Variants in ACBD6 observed in about 807,000 individuals in gnomAD.
ACBD6 encodes the protein acyl-CoA-binding domain-containing protein 6.
Under a neutral mutation model 37.2 loss-of-function variants are expected in ACBD6, and 28 were observed. The ratio of observed to expected loss-of-function variants is 0.75; its 90% CI spans 0.56 to 1.03. The LOEUF is 1.03. Ranked by LOEUF, ACBD6 falls within the 50% of genes least tolerant of loss-of-function variation. The pLI is 0.00. For synonymous variants in ACBD6, 113 were observed against 126.8 expected (o/e 0.89, Z 0.73); for missense variants, 340 against 337.4 (o/e 1.01, Z -0.06).
chr1:180,318,119 G>A (rs909291070), intron 6 of ACBD6, among the ~76,000 whole-genome samples: 1 of 133,244 alleles, frequency 7.5e-6, no homozygotes, highest in East Asian at 2.2e-4. Flanking sequence ...CTGAGATAGC[G>A]CCACTGCACT....
chr1:180,325,795 T>C (rs1651239986), intron 6 of ACBD6, among the ~76,000 whole-genome samples: 1 of 152,204 alleles, frequency 6.6e-6, no homozygotes, highest in Admixed American at 6.5e-5. Flanking sequence ...AGTGACATGG[T>C]AGTCTTGGAT....
At chr1:180,304,131 C>A (rs1242051244) in intron 7 of ACBD6, among the ~76,000 whole-genome samples, 2 of 150,794 alleles carry the variant, frequency 1.3e-5, no homozygotes, top group African/African-American at 4.8e-5. Context: ...CTATCTATGA[C>A]AAACTCACAG....
At chr1:180,414,733 TC>T (rs1195078061) in intron 4 of ACBD6, among the ~76,000 whole-genome samples, 1 of 152,198 alleles carries the variant, frequency 6.6e-6, no homozygotes, top group Non-Finnish European at 1.5e-5. Flanking sequence ...ACAACTTGCT[TC>T]AAAGCTAGAG....
chr1:180,468,297 C>A (rs1557883208), intron 3 of ACBD6, among the ~76,000 whole-genome samples: 1 of 152,180 alleles, frequency 6.6e-6, no homozygotes, highest in East Asian at 1.9e-4. Flanking sequence ...CCTTTGTCCC[C>A]CATGTCCTAA....
intron 6 of ACBD6, among the ~76,000 whole-genome samples, chr1:180,343,516 C>T (rs1157573981): frequency 1.3e-5 from 2 of 152,096 alleles, no homozygotes; most frequent in Non-Finnish European, 2.9e-5. Flanking sequence ...TAAACTATCA[C>T]CCAATACTTT....
intron 6 of ACBD6, among the ~76,000 whole-genome samples, chr1:180,315,302 A>G (rs1269715856): frequency 1.3e-5 from 2 of 152,174 alleles, no homozygotes; most frequent in African/African-American, 4.8e-5. Context: ...AAATTCCAAC[A>G]TTTCAGTTAT....
chr1:180,431,463 C>T (rs1031261629), intron 3 of ACBD6, among the ~76,000 whole-genome samples: 13 of 152,036 alleles, frequency 8.6e-5, no homozygotes, highest in African/African-American at 3.1e-4. Flanking sequence ...GCTCTGAGGG[C>T]CATTTTTAGA....
intron 3 of ACBD6, among the ~76,000 whole-genome samples, chr1:180,484,405 G>T (rs1390315738): frequency 1.3e-5 from 2 of 152,124 alleles, no homozygotes; most frequent in Non-Finnish European, 2.9e-5. Flanking sequence ...TTTCACAGTG[G>T]TATAGGTTAG....
At chr1:180,490,105 G>A (rs1403841348) in intron 3 of ACBD6, among the ~76,000 whole-genome samples, 2 of 152,180 alleles carry the variant, frequency 1.3e-5, no homozygotes, top group Admixed American at 6.5e-5. Context: ...AATCAACAGG[G>A]AAGGATGAGA....
intron 5 of ACBD6, among the ~76,000 whole-genome samples, chr1:180,408,958 A>C (rs1245739346): frequency 6.6e-6 from 1 of 152,068 alleles, no homozygotes; most frequent in Non-Finnish European, 1.5e-5. Context: ...GGAGTTCGAG[A>C]CCAGCCTGGC....
chr1:180,389,327 G>T (rs1653975997), intron 6 of ACBD6, among the ~76,000 whole-genome samples: 1 of 152,174 alleles, frequency 6.6e-6, no homozygotes, highest in Non-Finnish European at 1.5e-5. Context: ...CAAAGAACAT[G>T]AATTCATCAT....
intron 3 of ACBD6, among the ~76,000 whole-genome samples, chr1:180,473,769 T>G (rs1650668305): frequency 6.6e-6 from 1 of 152,156 alleles, no homozygotes; most frequent in Non-Finnish European, 1.5e-5. Context: ...GTTACTGATA[T>G]TGAATGGTAC....
intron 3 of ACBD6, among the ~76,000 whole-genome samples, chr1:180,484,742 A>AT: frequency 6.6e-6 from 1 of 152,296 alleles, no homozygotes; most frequent in East Asian, 1.9e-4. Flanking sequence ...ATACGTATAC[A>AT]TACATATGTT....
chr1:180,297,677 A>G (rs1649977115), intron 7 of ACBD6, among the ~76,000 whole-genome samples: 1 of 152,154 alleles, frequency 6.6e-6, no homozygotes, highest in Non-Finnish European at 1.5e-5. Flanking sequence ...CGAGGATTCA[A>G]GAGAGTGTTT....
intron 6 of ACBD6, among the ~76,000 whole-genome samples, chr1:180,383,834 T>C (rs1252792945): frequency 1.3e-5 from 2 of 151,942 alleles, no homozygotes; most frequent in Non-Finnish European, 2.9e-5. Flanking sequence ...CACAGACCAG[T>C]GGAACAGAAT....
At chr1:180,379,041 G>C (rs1653547391) in intron 6 of ACBD6, among the ~76,000 whole-genome samples, 1 of 152,094 alleles carries the variant, frequency 6.6e-6, no homozygotes. Flanking sequence ...ACCAATGCCA[G>C]GGTACACCAC....
intron 3 of ACBD6, among the ~76,000 whole-genome samples, chr1:180,459,143 T>C (rs1479669434): frequency 1.3e-5 from 2 of 152,184 alleles, no homozygotes; most frequent in African/African-American, 4.8e-5. Flanking sequence ...TTAGACAATC[T>C]GGTAGTCTAA....
At chr1:180,441,379 C>T (rs1292246538) in intron 3 of ACBD6, among the ~76,000 whole-genome samples, 1 of 152,088 alleles carries the variant, frequency 6.6e-6, no homozygotes, top group Admixed American at 6.6e-5. Context: ...TTTGAAATTG[C>T]AAAGTTTGAA....
intron 6 of ACBD6, among the ~76,000 whole-genome samples, chr1:180,362,066 A>C (rs1558266552): frequency 1.3e-5 from 2 of 152,166 alleles, no homozygotes. Flanking sequence ...CATCACCTTA[A>C]TAGAAATATC....
Sources: gnomAD v4.1 joint callset for allele counts (sites outside exome capture counted in the v4.1 genomes callset) on GRCh38, gnomAD v4.1.1 for gene constraint, MANE v1.5 for transcripts, NCBI Gene and HGNC (gene_info 2026-07-23, HGNC 2026-07-21) for gene names.